The following ITSN1 variants were observed in gnomAD, a reference collection of about 807,000 sequenced individuals.
ITSN1 encodes intersectin-1.
ITSN1 carries 58 observed loss-of-function variants against 239.8 expected under a neutral mutation model. That is an observed-to-expected ratio of 0.24 (90% CI 0.20 to 0.30). ITSN1 has a LOEUF of 0.30. Among genes scored for constraint, ITSN1 ranks in the 10% least tolerant of loss-of-function variants. The pLI is 1.00. For missense variants in ITSN1, 1,558 were observed against 2,103.3 expected (o/e 0.74, Z 5.07); for synonymous variants, 780 against 770.8 (o/e 1.01, Z -0.20).
intron 1 of ITSN1, among the ~76,000 whole-genome samples, chr21:33,713,953 G>C (rs937456097): frequency 6.8e-6 from 1 of 146,154 alleles, no homozygotes; most frequent in African/African-American, 2.5e-5. Flanking sequence ...TCCTGCCTCA[G>C]CCTCCTGAGT....
intron 1 of ITSN1, among the ~76,000 whole-genome samples, chr21:33,658,598 C>G (rs962390321): frequency 1.3e-5 from 2 of 152,178 alleles, no homozygotes; most frequent in South Asian, 4.1e-4. Context: ...TGCAGTTCAT[C>G]ATTGACTCAA....
intron 25 of ITSN1, among the ~76,000 whole-genome samples, chr21:33,826,494 C>CT (rs2073979500): frequency 6.6e-6 from 1 of 152,210 alleles, no homozygotes; most frequent in South Asian, 2.1e-4. Flanking sequence ...AGGATGTAAA[C>CT]TAACAGTCTT....
In ITSN1 at chr21:33,695,113, C is replaced by T. The variant is rs533594963; in HGVS notation, c.-32-23684C>T. Among the ~76,000 whole-genome samples the T allele has an allele frequency of 3.3e-5, 5 of 152,340 alleles. No homozygotes were observed. The East Asian group carries it at 9.6e-4, about 29-fold the overall frequency. ...TACAGGCGTGAGCCACCGTGCCCGGCCACTTTTTTCTACTCTTGATATACT... is the reference window on the plus strand; with the variant it reads ...TACAGGCGTGAGCCACCGTGCCCGGTCACTTTTTTCTACTCTTGATATACT... On this transcript the variant is annotated intron_variant, in intron 1 of 39. Transcript: ENST00000381318.
intron 29 of ITSN1, among the ~76,000 whole-genome samples, chr21:33,848,852 C>T (rs1422933814): frequency 6.6e-6 from 1 of 152,232 alleles, no homozygotes; most frequent in African/African-American, 2.4e-5. Flanking sequence ...CCCCTCACCA[C>T]CGATATTAGC....
intron 1 of ITSN1, among the ~76,000 whole-genome samples, chr21:33,705,002 T>C (rs1010950669): frequency 6.7e-6 from 1 of 150,044 alleles, no homozygotes; most frequent in African/African-American, 2.5e-5. Context: ...TCCCAGCTAC[T>C]TGGGAGGCTG....
At chr21:33,727,286 A>G (rs1399262672) in intron 4 of ITSN1, among the ~76,000 whole-genome samples, 1 of 152,092 alleles carries the variant, frequency 6.6e-6, no homozygotes, top group Non-Finnish European at 1.5e-5. Flanking sequence ...AAGCAGTGGG[A>G]ATAGACAAGA....
intron 1 of ITSN1, among the ~76,000 whole-genome samples, chr21:33,647,491 T>G (rs549574465): frequency 6.6e-6 from 1 of 151,592 alleles, no homozygotes; most frequent in East Asian, 1.9e-4. Context: ...CTATGGTAGT[T>G]TTTTTTTTAA....
chr21:33,844,134 A>T (rs2074913560), intron 29 of ITSN1, among the ~76,000 whole-genome samples: 1 of 152,220 alleles, frequency 6.6e-6, no homozygotes, highest in Non-Finnish European at 1.5e-5. Context: ...TCCGTGCACG[A>T]ACCCTGGCCC....
At position 33,888,734 on chromosome 21, in the gene ITSN1, A is replaced by T. The variant is rs1986140105; in HGVS notation, c.*434A>T. ...AGTCCCCAAGTAGACTTCTTGGCCT[A>T]CAATGCCCAGTCCTTGGTGTGAGTT... On this transcript the variant is annotated 3_prime_UTR_variant, in exon 40 of 40. Transcript: ENST00000381318. 1 of 154,398 alleles carries T rather than the reference A, an allele frequency of 6.5e-6. No homozygotes were observed. Among genetic ancestry groups the T allele is most frequent in the African/African-American group, 2.4e-5 (1 of 41,512 alleles). 9.6% of individuals were successfully genotyped at this position (154,398 alleles called of 1,614,324 possible).
intron 20 of ITSN1, among the ~76,000 whole-genome samples, chr21:33,802,796 A>G (rs1240591060): frequency 1.3e-5 from 2 of 152,234 alleles, no homozygotes; most frequent in Non-Finnish European, 1.5e-5. Context: ...TAAGCAGACT[A>G]TTGGAATAAT....
intron 33 of ITSN1, among the ~76,000 whole-genome samples, chr21:33,868,621 C>T (rs1463371285): frequency 5.9e-5 from 9 of 152,230 alleles, no homozygotes; most frequent in South Asian, 2.1e-4. Flanking sequence ...GTGCGGGGCA[C>T]GCCAAGCCCA....
intron 1 of ITSN1, among the ~76,000 whole-genome samples, chr21:33,659,797 G>A (rs1236366229): frequency 7.2e-6 from 1 of 139,534 alleles, no homozygotes; most frequent in African/African-American, 2.7e-5. Context: ...ATGGCTAACT[G>A]CAGCCTCAAC....
intron 1 of ITSN1, among the ~76,000 whole-genome samples, chr21:33,644,876 C>T (rs1414978197): frequency 6.6e-6 from 1 of 151,210 alleles, no homozygotes; most frequent in Non-Finnish European, 1.5e-5. Flanking sequence ...GGCTGGAGTG[C>T]AGTGGCGCAA....
Position 33,836,588 on chromosome 21 carries a change from C to T in ITSN1, c.3617C>T (p.Ser1206Phe), listed in dbSNP as rs1382008003. The change falls in exon 29 of 40, where the codon TCC (serine) becomes TTC (phenylalanine). Residue 1206 changes from serine to phenylalanine, a missense_variant. Transcript: ENST00000381318. ...EVNGQVGLFPSNYVKLTTDMD... is the reference protein window; with the variant it reads ...EVNGQVGLFPFNYVKLTTDMD... ...AATGGACAAGTGGGGCTCTTCCCAT[C>T]CAATTATGTGAAGCTGACCACAGAC... The T allele has an allele frequency of 1.2e-6, 2 of 1,614,096 alleles. No individual in the cohort carries two copies. The highest frequency in any genetic ancestry group is 1.7e-5 in the Admixed American group (1 of 60,020).
At chr21:33,726,269 C>T (rs2065827652) in intron 4 of ITSN1, among the ~76,000 whole-genome samples, 2 of 151,814 alleles carry the variant, frequency 1.3e-5, no homozygotes, top group Admixed American at 6.6e-5. Flanking sequence ...GCTAGAATTA[C>T]AGGCATGACC....
chr21:33,833,764 C>CAGG (rs1307300827), intron 27 of ITSN1, among the ~76,000 whole-genome samples: 1 of 151,264 alleles, frequency 6.6e-6, no homozygotes, highest in Non-Finnish European at 1.5e-5. Flanking sequence ...CCCAGCTACT[C>CAGG]AGGAGGCTGA....
At chr21:33,823,775 C>T in intron 25 of ITSN1, 122 bp downstream of exon 25, 1 of 864,404 alleles carries the variant, frequency 1.2e-6, no homozygotes, top group Non-Finnish European at 1.8e-6. Context: ...GACAGTAAAT[C>T]CAGTGTGACC....
At chr21:33,826,407 A>T (rs1323802440) in intron 25 of ITSN1, among the ~76,000 whole-genome samples, 2 of 152,296 alleles carry the variant, frequency 1.3e-5, no homozygotes, top group South Asian at 2.1e-4. Context: ...TAGGCTCGTG[A>T]GTTATATTCC....
intron 1 of ITSN1, among the ~76,000 whole-genome samples, chr21:33,685,000 A>G (rs542100824): frequency 7.9e-5 from 12 of 152,338 alleles, no homozygotes; most frequent in Non-Finnish European, 1.6e-4. Context: ...AAAGGAGAGT[A>G]GTATCATTAC....
Sources: gnomAD v4.1 joint callset for allele counts (sites outside exome capture counted in the v4.1 genomes callset) on GRCh38, gnomAD v4.1.1 for gene constraint, MANE v1.5 for transcripts, NCBI Gene and HGNC (gene_info 2026-07-23, HGNC 2026-07-21) for gene names.